The following APBA1 variants were observed in gnomAD, a reference collection of about 807,000 sequenced individuals.
APBA1 encodes amyloid beta precursor protein binding family A member 1.
A neutral mutation model predicts 86.6 loss-of-function variants in APBA1; 55 were observed. The observed-to-expected ratio is 0.64, with a 90% CI of 0.51 to 0.80. The LOEUF (loss-of-function observed/expected upper bound fraction) is 0.80, where lower values mean the gene tolerates loss of function less well. APBA1 is among the 30% of genes least tolerant of loss of function. The probability of loss-of-function intolerance (pLI) is 0.00; values close to 1 mark genes in which losing one functional copy is unlikely to be tolerated. For synonymous variants in APBA1, 511 were observed against 493.9 expected (o/e 1.03, Z -0.46); for missense variants, 1,090 against 1,183.0 (o/e 0.92, Z 1.15).
At chr9:69,664,029 A>G (rs982417369) in intron 1 of APBA1, among the ~76,000 whole-genome samples, 4 of 152,220 alleles carry the variant, frequency 2.6e-5, no homozygotes, top group African/African-American at 4.8e-5. Context: ...CTGATTTTAA[A>G]GAGAGAAACC....
At chr9:69,604,330 G>T (rs1329238139) in intron 1 of APBA1, among the ~76,000 whole-genome samples, 1 of 137,886 alleles carries the variant, frequency 7.3e-6, no homozygotes, top group African/African-American at 2.7e-5. Flanking sequence ...GGGCACACAT[G>T]CACACACATG....
chr9:69,585,267 A>G (rs1328285580), intron 1 of APBA1, among the ~76,000 whole-genome samples: 1 of 152,242 alleles, frequency 6.6e-6, no homozygotes, highest in African/African-American at 2.4e-5. Context: ...CAGAGGAGAA[A>G]GACTTAAAGA....
intron 1 of APBA1, among the ~76,000 whole-genome samples, chr9:69,528,893 G>A (rs1057200096): frequency 2.6e-5 from 4 of 152,066 alleles, no homozygotes; most frequent in East Asian, 3.9e-4. Context: ...GGCAAATAAC[G>A]AATTGAACAG....
chr9:69,601,651 G>A (rs1822351685), intron 1 of APBA1, among the ~76,000 whole-genome samples: 2 of 152,162 alleles, frequency 1.3e-5, no homozygotes, highest in Admixed American at 6.5e-5. Context: ...GATTTAACAA[G>A]AGCATAGAAT....
intron 1 of APBA1, among the ~76,000 whole-genome samples, chr9:69,542,713 C>T (rs1211462360): frequency 6.6e-6 from 1 of 152,140 alleles, no homozygotes; most frequent in Non-Finnish European, 1.5e-5. Flanking sequence ...AAAATGTTTT[C>T]CAAGCAAAAT....
chr9:69,564,605 G>T (rs748619979), intron 1 of APBA1, among the ~76,000 whole-genome samples: 15 of 152,074 alleles, frequency 9.9e-5, no homozygotes, highest in Non-Finnish European at 1.9e-4. Context: ...AGAATTTTGG[G>T]GAGTAAAGAA....
At chr9:69,651,740 C>T (rs148964822) in intron 1 of APBA1, among the ~76,000 whole-genome samples, 17 of 152,308 alleles carry the variant, frequency 1.1e-4, no homozygotes, top group Non-Finnish European at 2.2e-4. Flanking sequence ...CCTCCCAGAG[C>T]GCTGAGATTA....
At chr9:69,558,176 T>C (rs1237488408) in intron 1 of APBA1, among the ~76,000 whole-genome samples, 3 of 152,202 alleles carry the variant, frequency 2.0e-5, no homozygotes, top group Admixed American at 6.5e-5. Context: ...GTGGTTTTTA[T>C]TGGCTCTCAA....
intron 1 of APBA1, among the ~76,000 whole-genome samples, chr9:69,629,601 T>C (rs941636481): frequency 6.6e-6 from 1 of 152,232 alleles, no homozygotes; most frequent in African/African-American, 2.4e-5. Flanking sequence ...ACAGTCCAGA[T>C]TGACAGTCAG....
intron 2 of APBA1, among the ~76,000 whole-genome samples, chr9:69,496,829 G>A (rs1242760983): frequency 6.6e-6 from 1 of 151,990 alleles, no homozygotes. Flanking sequence ...CCTAGCCCAT[G>A]GTGCAGCCAT....
At chr9:69,623,795 T>C (rs1158698008) in intron 1 of APBA1, among the ~76,000 whole-genome samples, 1 of 152,190 alleles carries the variant, frequency 6.6e-6, no homozygotes, top group Admixed American at 6.5e-5. Flanking sequence ...GTTGACACTC[T>C]TGAGGATGTT....
intron 1 of APBA1, among the ~76,000 whole-genome samples, chr9:69,620,675 T>A (rs1822798154): frequency 6.6e-6 from 1 of 151,992 alleles, no homozygotes. Flanking sequence ...AGACTCCATC[T>A]CAAAAAAAAC....
intron 5 of APBA1, among the ~76,000 whole-genome samples, chr9:69,466,013 C>A (rs924694596): frequency 6.6e-6 from 1 of 152,172 alleles, no homozygotes; most frequent in Non-Finnish European, 1.5e-5. Context: ...ACTCTTGAGG[C>A]AGTTGCAAAT....
chr9:69,494,105 G>C (rs1355301980), intron 2 of APBA1, among the ~76,000 whole-genome samples: 1 of 152,068 alleles, frequency 6.6e-6, no homozygotes, highest in Non-Finnish European at 1.5e-5. Context: ...TTAATGTGGT[G>C]AAGTAGAAAG....
intron 1 of APBA1, among the ~76,000 whole-genome samples, chr9:69,530,473 C>A (rs1300295887): frequency 6.6e-6 from 1 of 151,880 alleles, no homozygotes; most frequent in Non-Finnish European, 1.5e-5. Context: ...AAACAGAAAA[C>A]CAAACTCCTC....
intron 1 of APBA1, among the ~76,000 whole-genome samples, chr9:69,574,306 T>C (rs751238642): frequency 1.3e-5 from 2 of 152,196 alleles, no homozygotes; most frequent in African/African-American, 4.8e-5. Flanking sequence ...TTGTGAACTA[T>C]TACGACAGAG....
chr9:69,596,365 G>A (rs943964551), intron 1 of APBA1, among the ~76,000 whole-genome samples: 3 of 152,038 alleles, frequency 2.0e-5, no homozygotes, highest in Non-Finnish European at 4.4e-5. Flanking sequence ...TTCTTTCCAG[G>A]CATCTAAATC....
At chr9:69,661,109 A>T (rs1330775797) in intron 1 of APBA1, among the ~76,000 whole-genome samples, 1 of 152,240 alleles carries the variant, frequency 6.6e-6, no homozygotes, top group Non-Finnish European at 1.5e-5. Flanking sequence ...TCCATAAACA[A>T]ACTTTGGTTG....
chr9:69,643,095 T>C (rs1823322249), intron 1 of APBA1, among the ~76,000 whole-genome samples: 1 of 151,980 alleles, frequency 6.6e-6, no homozygotes, highest in Non-Finnish European at 1.5e-5. Flanking sequence ...TCTGGAGAAC[T>C]CTGACTACTA....
Sources: gnomAD v4.1 joint callset for allele counts (sites outside exome capture counted in the v4.1 genomes callset) on GRCh38, gnomAD v4.1.1 for gene constraint, MANE v1.5 for transcripts, NCBI Gene and HGNC (gene_info 2026-07-23, HGNC 2026-07-21) for gene names.